Variants in ZCCHC14 observed in about 807,000 individuals in gnomAD.
ZCCHC14 encodes the protein zinc finger CCHC domain-containing protein 14.
Under a neutral mutation model 85.0 loss-of-function variants are expected in ZCCHC14, and 16 were observed. That is an observed-to-expected ratio of 0.19 (90% CI 0.13 to 0.29). The LOEUF (loss-of-function observed/expected upper bound fraction) is 0.29, where lower values mean the gene tolerates loss of function less well. Ranked by LOEUF, ZCCHC14 falls within the 10% of genes least tolerant of loss-of-function variation. The pLI is 1.00. For synonymous variants in ZCCHC14, 775 were observed against 630.7 expected, an observed-to-expected ratio of 1.23 and a Z score of -3.43; for missense variants, 1,303 against 1,443.5, an observed-to-expected ratio of 0.90 and a Z score of 1.58.
chr16:87,411,458 C>A, intron 12 of ZCCHC14, 58 bp downstream of exon 12: 3 of 1,573,696 alleles, frequency 1.9e-6, no homozygotes, highest in Non-Finnish European at 2.6e-6. Flanking sequence ...AAAAACCAAG[C>A]ATTTGTGTGC....
chr16:87,452,522 G>A (rs1322497360), intron 2 of ZCCHC14, among the ~76,000 whole-genome samples: 5 of 152,050 alleles, frequency 3.3e-5, no homozygotes, highest in South Asian at 2.1e-4. Flanking sequence ...GAGCGCTATC[G>A]GGACCACCAG....
Position 87,412,411 on chromosome 16 carries a change from G to A in ZCCHC14, c.2310C>T (p.Ala770=). 1 of 1,614,174 alleles carries A rather than the reference G, an allele frequency of 6.2e-7. No homozygotes were observed. Among genetic ancestry groups the A allele is most frequent in the Non-Finnish European group, 8.5e-7 (1 of 1,180,046 alleles). Residue 770 remains alanine, a synonymous_variant, in exon 12 of 13, where the codon GCC becomes GCT. Coordinates refer to ENST00000671377, the MANE Select transcript of ZCCHC14 (RefSeq NM_015144.3). The part of the protein sequence containing the change: ...TGTPSTVLHA[A]RPPIKLLLSS... ...ACAGCAGCAGTTTGATGGGCGGACG[G>A]GCGGCGTGGAGGACTGTGCTGGGCG...
At chr16:87,453,275 C>T (rs1910793578) in intron 2 of ZCCHC14, among the ~76,000 whole-genome samples, 1 of 152,226 alleles carries the variant, frequency 6.6e-6, no homozygotes, top group African/African-American at 2.4e-5. Context: ...ACAGGACCAA[C>T]CCTTCCACAA....
chr16:87,427,630 T>C (rs991698396), intron 3 of ZCCHC14, among the ~76,000 whole-genome samples: 3 of 152,138 alleles, frequency 2.0e-5, no homozygotes, highest in African/African-American at 7.2e-5. Flanking sequence ...TTTATTAGTA[T>C]TGTTTTATCA....
intron 7 of ZCCHC14, 147 bp downstream of exon 7, chr16:87,418,700 T>C (rs980476040): frequency 1.5e-5 from 13 of 862,216 alleles, no homozygotes; most frequent in Admixed American, 2.4e-5. Flanking sequence ...AATCGTAAAT[T>C]CAATCATCTC....
At chr16:87,440,653 C>T (rs1363615835) in intron 2 of ZCCHC14, among the ~76,000 whole-genome samples, 2 of 152,132 alleles carry the variant, frequency 1.3e-5, no homozygotes, top group African/African-American at 4.8e-5. Flanking sequence ...GTCGCCCAGG[C>T]TGAAGTGCAG....
intron 1 of ZCCHC14, among the ~76,000 whole-genome samples, chr16:87,483,081 A>G (rs982516033): frequency 4.6e-5 from 7 of 152,076 alleles, no homozygotes; most frequent in African/African-American, 1.7e-4. Context: ...TGGCAAAGTC[A>G]GAAGACAAGA....
rs144014125 is a variant in ZCCHC14, at chr16:87,461,590, A to C, written c.571-1459T>G. On this transcript the variant is annotated intron_variant, in intron 1 of 12. Transcript: ENST00000671377. The stretch of plus-strand genomic sequence containing the variant: ...ATACCTGGACGGTAGGTGGCAGTTG[A>C]CCAAAACATCCCCTAAGTTCACTCA... 3.7e-3 allele frequency among the ~76,000 whole-genome samples: 563 copies of C among 152,298 alleles called. 4 individuals carry two copies. The highest frequency in any genetic ancestry group is 0.013 in the African/African-American group (539 of 41,572).
chr16:87,438,323 G>T (rs1910029217), intron 2 of ZCCHC14, among the ~76,000 whole-genome samples: 1 of 152,246 alleles, frequency 6.6e-6, no homozygotes, highest in African/African-American at 2.4e-5. Flanking sequence ...TTCTATGCAT[G>T]TACAAGAATG....
At chr16:87,431,471 T>TG (rs1234782403) in intron 3 of ZCCHC14, among the ~76,000 whole-genome samples, 2 of 110,928 alleles carry the variant, frequency 1.8e-5, no homozygotes, top group South Asian at 2.6e-4. Flanking sequence ...AGGCTCTGTC[T>TG]GAAAAAAAAA....
chr16:87,430,999 G>A, intron 3 of ZCCHC14, among the ~76,000 whole-genome samples: 1 of 152,198 alleles, frequency 6.6e-6, no homozygotes, highest in South Asian at 2.1e-4. Flanking sequence ...AATTAGCTGG[G>A]TATGGTGGCA....
In ZCCHC14 at chr16:87,442,149, C is replaced by G. The variant is rs969692222; in HGVS notation, c.695-8948G>C. On this transcript the variant is annotated intron_variant, in intron 2 of 12. Coordinates refer to ENST00000671377, the MANE Select transcript of ZCCHC14 (RefSeq NM_015144.3). ...TGGGTGCGTTCACCCGGGGGCTGCA[C>G]ATGGAAGAATCTGAACTGCCGAACA... Among the ~76,000 whole-genome samples the G allele has an allele frequency of 3.3e-5, 5 of 152,202 alleles. No homozygotes were observed. In the East Asian group the frequency reaches 9.6e-4, roughly 29 times the overall value.
Position 87,460,207 on chromosome 16 carries a change from T to A in ZCCHC14, c.571-76A>T, listed in dbSNP as rs1567533869. 2.2e-5 allele frequency: 34 copies of A among 1,531,048 alleles called. No individual in the cohort carries two copies. The East Asian group carries it at 7.7e-4, about 35-fold the overall frequency. The allele number at this position is 1,531,048 out of a possible 1,614,324, so 94.8% of individuals were successfully genotyped here. On this transcript the variant is annotated intron_variant, in intron 1 of 12. Transcript: ENST00000671377. ...GGGACAATTTTATTTGTTAATTAAG[T>A]CTTTCATAATTACCTTGGTTTCCAT...
chr16:87,417,193 G>C (rs1173947950), intron 8 of ZCCHC14, among the ~76,000 whole-genome samples: 1 of 152,184 alleles, frequency 6.6e-6, no homozygotes, highest in Non-Finnish European at 1.5e-5. Flanking sequence ...TCTGGGGACG[G>C]ACTGTCCCTC....
At chr16:87,431,626 G>A (rs899694286) in intron 3 of ZCCHC14, among the ~76,000 whole-genome samples, 1 of 152,174 alleles carries the variant, frequency 6.6e-6, no homozygotes, top group African/African-American at 2.4e-5. Flanking sequence ...AGGATTGGGA[G>A]CAAATCAAAG....
Position 87,433,895 on chromosome 16 carries a change from C to T in ZCCHC14, c.695-694G>A, listed in dbSNP as rs1909785166. On this transcript the variant is annotated intron_variant, in intron 2 of 12. Coordinates refer to ENST00000671377, the MANE Select transcript of ZCCHC14 (RefSeq NM_015144.3). ...CTGACCTCAGGTGATCCGCCCGCCT[C>T]AGCCTCCCAACGTGCTGGATTTACA... 1.3e-5 allele frequency among the ~76,000 whole-genome samples: 2 copies of T among 151,892 alleles called. 1 individual carries two copies. The highest frequency in any genetic ancestry group is 4.2e-4 in the South Asian group (2 of 4,814).
At chr16:87,469,869 C>T (rs1470626918) in intron 1 of ZCCHC14, among the ~76,000 whole-genome samples, 4 of 152,198 alleles carry the variant, frequency 2.6e-5, no homozygotes, top group East Asian at 3.9e-4. Context: ...ACCCCAGCTC[C>T]GTGTTCCCTG....
At chr16:87,447,039 G>A (rs1910474471) in intron 2 of ZCCHC14, among the ~76,000 whole-genome samples, 1 of 152,132 alleles carries the variant, frequency 6.6e-6, no homozygotes, top group East Asian at 1.9e-4. Flanking sequence ...AATACCACAT[G>A]AGAATTTTCA....
chr16:87,436,138 GA>G (rs1250638382), intron 2 of ZCCHC14, among the ~76,000 whole-genome samples: 2 of 151,872 alleles, frequency 1.3e-5, no homozygotes, highest in African/African-American at 2.4e-5. Flanking sequence ...AAAGTAAAAG[GA>G]AAAAAAACCC....
Sources: allele counts gnomAD v4.1 joint callset (sites outside exome capture counted in the v4.1 genomes callset), GRCh38; gene constraint gnomAD v4.1.1; transcripts MANE v1.5; gene names NCBI Gene and HGNC (gene_info 2026-07-23, HGNC 2026-07-21).